SLC22A25: variants seen among roughly 807,000 people sequenced by gnomAD.
SLC22A25 encodes MGI:2442751, MGI:2385316, MGI:3042283, MGI:3645714, MGI:3605624, MGI:2442750.
A neutral mutation model predicts 45.9 loss-of-function variants in SLC22A25; 44 were observed. That is an observed-to-expected ratio of 0.96 (90% confidence interval 0.75 to 1.23). SLC22A25 has a LOEUF of 1.23. Ranked by LOEUF, SLC22A25 falls within the 50% of genes most tolerant of loss-of-function variation. The pLI is 0.00. For missense variants in SLC22A25, 800 were observed against 666.4 expected, an observed-to-expected ratio of 1.20 and a Z score of -2.21; for synonymous variants, 283 against 238.6, an observed-to-expected ratio of 1.19 and a Z score of -1.72.
At chr11:63,189,485 T>C (rs1162733380) in intron 7 of SLC22A25, among the ~76,000 whole-genome samples, 1 of 152,230 alleles carries the variant, frequency 6.6e-6, no homozygotes. Context: ...TGATGGGTCT[T>C]GACTCTTTAA....
At chr11:63,233,523 T>C (rs1336066394) in intron 3 of SLC22A25, among the ~76,000 whole-genome samples, 1 of 152,224 alleles carries the variant, frequency 6.6e-6, no homozygotes. Context: ...GATTTTTCTC[T>C]CTTTTGTTCT....
intron 7 of SLC22A25, among the ~76,000 whole-genome samples, chr11:63,196,690 T>C (rs537366211): frequency 6.6e-6 from 1 of 152,290 alleles, no homozygotes; most frequent in Admixed American, 6.5e-5. Flanking sequence ...CTTTGAAAAC[T>C]GGCACAAAAC....
At chr11:63,225,158 AGTTT>A (rs1235487921) in intron 5 of SLC22A25, among the ~76,000 whole-genome samples, 2 of 152,212 alleles carry the variant, frequency 1.3e-5, no homozygotes, top group Non-Finnish European at 2.9e-5. Context: ...TGTTTTAGTT[AGTTT>A]ATATGCCACA....
intron 8 of SLC22A25, 100 bp from the exon 9 acceptor site, chr11:63,180,875 C>A: frequency 1.3e-6 from 1 of 753,390 alleles, no homozygotes; most frequent in Non-Finnish European, 2.2e-6. Context: ...AGATGACATC[C>A]CTTTCTGTCT....
At chr11:63,166,004 GA>G in intron 10 of SLC22A25, 39 bp downstream of exon 10, 1 of 1,605,374 alleles carries the variant, frequency 6.2e-7, no homozygotes, top group Non-Finnish European at 8.5e-7. Flanking sequence ...AGAAAAGAGG[GA>G]AAGACATTTT....
chr11:63,195,379 A>G (rs1294549443), intron 7 of SLC22A25, among the ~76,000 whole-genome samples: 6 of 152,164 alleles, frequency 3.9e-5, no homozygotes, highest in Admixed American at 3.9e-4. Context: ...GCAAATGTAA[A>G]AGAACAGAAA....
intron 3 of SLC22A25, among the ~76,000 whole-genome samples, chr11:63,231,788 C>T (rs577415514): frequency 1.3e-5 from 2 of 152,260 alleles, no homozygotes; most frequent in South Asian, 2.1e-4. Context: ...AGTCTTTAAT[C>T]CATCTTGAAT....
At chr11:63,236,377 C>T (rs1388177658) in intron 3 of SLC22A25, among the ~76,000 whole-genome samples, 1 of 152,204 alleles carries the variant, frequency 6.6e-6, no homozygotes, top group Non-Finnish European at 1.5e-5. Flanking sequence ...TGCCACCTTG[C>T]AGTTTGATCT....
At chr11:63,186,288 T>G (rs192301916) in intron 7 of SLC22A25, among the ~76,000 whole-genome samples, 3,283 of 150,738 alleles carry the variant, frequency 0.022, 145 homozygotes, top group African/African-American at 0.075. Context: ...ATTTCTCTGA[T>G]GGCCAGTGAT....
chr11:63,173,950 G>A (rs761865852), intron 9 of SLC22A25, among the ~76,000 whole-genome samples: 21 of 147,134 alleles, frequency 1.4e-4, no homozygotes, highest in Non-Finnish European at 2.2e-4. Context: ...TGTGCAGAAC[G>A]TGCCTTTTTG....
At chr11:63,236,752 C>T (rs183115994) in intron 3 of SLC22A25, among the ~76,000 whole-genome samples, 20 of 152,264 alleles carry the variant, frequency 1.3e-4, no homozygotes, top group Admixed American at 1.1e-3. Context: ...CATCGCTGAC[C>T]CTGGGAGCTG....
intron 9 of SLC22A25, among the ~76,000 whole-genome samples, chr11:63,171,160 C>A (rs971831265): frequency 3.9e-5 from 6 of 152,134 alleles, no homozygotes; most frequent in Non-Finnish European, 8.8e-5. Flanking sequence ...TGGAACATAT[C>A]TCAAAATAAT....
At position 63,158,747 on chromosome 11, in the gene SLC22A25, T is replaced by G. The variant is rs940461150; in HGVS notation, c.*5077A>C. 3.9e-5 allele frequency among the ~76,000 whole-genome samples: 6 copies of G among 152,202 alleles called. No homozygotes were observed. Among genetic ancestry groups the G allele is most frequent in the African/African-American group, 1.2e-4 (5 of 41,462 alleles). Reference sequence around the variant, plus strand: ...CCCTCAAGCGTTTATTCTTTGTGATTACAAACAATCCAATTATACTTTTTT... The same window carrying G: ...CCCTCAAGCGTTTATTCTTTGTGATGACAAACAATCCAATTATACTTTTTT... On this transcript the variant is annotated 3_prime_UTR_variant, in exon 12 of 12. Coordinates refer to ENST00000306494, the MANE Select transcript of SLC22A25 (RefSeq NM_199352.6).
intron 9 of SLC22A25, among the ~76,000 whole-genome samples, chr11:63,174,236 CT>C (rs372262303): frequency 0.034 from 5,125 of 152,016 alleles, 118 homozygotes; most frequent in Non-Finnish European, 0.056. Context: ...TGAACTCATC[CT>C]TTTTTATGGC....
chr11:63,170,943 G>A (rs978088839), intron 9 of SLC22A25, among the ~76,000 whole-genome samples: 5 of 152,098 alleles, frequency 3.3e-5, no homozygotes, highest in African/African-American at 4.8e-5. Flanking sequence ...GAATCCAGCA[G>A]CACATCAAAA....
intron 7 of SLC22A25, among the ~76,000 whole-genome samples, chr11:63,195,679 A>G (rs2088998548): frequency 6.6e-6 from 1 of 152,184 alleles, no homozygotes; most frequent in Non-Finnish European, 1.5e-5. Context: ...ACACCCTAAC[A>G]TCGCAATTAA....
At chr11:63,238,157 A>C (rs943116821) in intron 2 of SLC22A25, 145 bp from the exon 3 acceptor site, 2 of 152,178 alleles carry the variant, frequency 1.3e-5, no homozygotes, top group Non-Finnish European at 2.9e-5. Context: ...TTTCTTTACT[A>C]TTTGACCTTT....
chr11:63,228,679 T>C (rs1205151109), intron 4 of SLC22A25, 115 bp from the exon 5 acceptor site: 1 of 728,054 alleles, frequency 1.4e-6, no homozygotes, highest in Non-Finnish European at 2.3e-6. Flanking sequence ...GCTTCCCTTT[T>C]CTGCATTACC....
chr11:63,168,516 A>G (rs1255198430), intron 9 of SLC22A25, among the ~76,000 whole-genome samples: 1 of 152,220 alleles, frequency 6.6e-6, no homozygotes, highest in South Asian at 2.1e-4. Flanking sequence ...AACTTTGTGA[A>G]GCATACACAA....
Sources: allele counts gnomAD v4.1 joint callset (sites outside exome capture counted in the v4.1 genomes callset), GRCh38; gene constraint gnomAD v4.1.1; transcripts MANE v1.5; gene names NCBI Gene and HGNC (gene_info 2026-07-23, HGNC 2026-07-21).